Variants in FAM185A observed in about 807,000 individuals in gnomAD.
FAM185A encodes family with sequence similarity 185 member A.
In FAM185A, 21 loss-of-function variants were observed where a neutral mutation model predicts 45.7. That is an observed-to-expected ratio of 0.46 (90% CI 0.33 to 0.66). The LOEUF (loss-of-function observed/expected upper bound fraction) is 0.66. FAM185A is among the 30% of genes least tolerant of loss of function. The probability of loss-of-function intolerance (pLI) is 0.03; values close to 1 mark genes in which losing one functional copy is unlikely to be tolerated. For missense variants in FAM185A, 305 were observed against 485.4 expected, an observed-to-expected ratio of 0.63 and a Z score of 3.49; for synonymous variants, 117 against 194.0, an observed-to-expected ratio of 0.60 and a Z score of 3.30.
At chr7:102,841,394 A>G in the FAM185A span, among the ~76,000 whole-genome samples, 2 of 152,306 alleles carry the variant, frequency 1.3e-5, no homozygotes, top group Non-Finnish European at 2.9e-5. Flanking sequence ...TGGATGCTCA[A>G]TATGAAAAGA....
chr7:102,759,616 C>G (rs2537455), intron 3 of FAM185A, among the ~76,000 whole-genome samples: 120 of 145,548 alleles, frequency 8.2e-4, no homozygotes, highest in African/African-American at 1.4e-3. Context: ...AGAATATATT[C>G]AGAGCCAAAC....
chr7:102,847,085 T>C, the FAM185A span, among the ~76,000 whole-genome samples: 1 of 152,240 alleles, frequency 6.6e-6, no homozygotes, highest in Non-Finnish European at 1.5e-5. Context: ...GCAACTCTCA[T>C]TTATTTACAT....
At chr7:102,832,241 C>T in the FAM185A span, among the ~76,000 whole-genome samples, 3 of 152,090 alleles carry the variant, frequency 2.0e-5, no homozygotes, top group African/African-American at 7.2e-5. Flanking sequence ...GAAAATAACA[C>T]AAAAGATGAT....
the FAM185A span, chr7:102,832,942 A>T: frequency 1.2e-6 from 2 of 1,614,100 alleles, no homozygotes; most frequent in Non-Finnish European, 1.7e-6. Flanking sequence ...AGACATCCAA[A>T]TGTTCCAAGA....
intron 7 of FAM185A, among the ~76,000 whole-genome samples, chr7:102,803,933 T>C (rs1274512791): frequency 6.6e-6 from 1 of 151,522 alleles, no homozygotes; most frequent in Non-Finnish European, 1.5e-5. Flanking sequence ...CCTTTTACAA[T>C]AGCTGCAAAA....
intron 7 of FAM185A, among the ~76,000 whole-genome samples, chr7:102,806,096 C>T (rs1198269706): frequency 6.6e-6 from 1 of 152,126 alleles, no homozygotes; most frequent in Non-Finnish European, 1.5e-5. Flanking sequence ...TTATAGAAAA[C>T]AAAACATCTA....
chr7:102,766,110 A>G (rs563645437), intron 4 of FAM185A, among the ~76,000 whole-genome samples: 1 of 152,392 alleles, frequency 6.6e-6, no homozygotes, highest in East Asian at 1.9e-4. Context: ...ACTTCCTTGA[A>G]ATGGTTTGCT....
In FAM185A at chr7:102,765,346, G is replaced by A. The variant is rs548437087; in HGVS notation, c.793+3935G>A. ...ATGTAGATGTTCCATACAGTGTTTG[G>A]GCTTAGCTCCATGGTAGCATTCAGG... On this transcript the variant is annotated intron_variant, in intron 4 of 7. Coordinates refer to ENST00000413034, the MANE Select transcript of FAM185A (RefSeq NM_001145268.2). Among the ~76,000 whole-genome samples the A allele has an allele frequency of 3.9e-5, 6 of 152,158 alleles. No homozygotes were observed. The East Asian group carries it at 9.7e-4, about 24-fold the overall frequency.
At chr7:102,784,106 C>A (rs1584328583) in intron 6 of FAM185A, among the ~76,000 whole-genome samples, 1 of 152,254 alleles carries the variant, frequency 6.6e-6, no homozygotes, top group Admixed American at 6.5e-5. Flanking sequence ...AATTCCTGGA[C>A]ACATACACCC....
intron 4 of FAM185A, among the ~76,000 whole-genome samples, chr7:102,771,173 A>T (rs1009302919): frequency 2.0e-5 from 3 of 152,104 alleles, no homozygotes; most frequent in African/African-American, 7.2e-5. Flanking sequence ...AATTATGGAC[A>T]TAAAGATGGC....
chr7:102,833,497 A>T, the FAM185A span, among the ~76,000 whole-genome samples: 1 of 149,650 alleles, frequency 6.7e-6, no homozygotes, highest in Non-Finnish European at 1.5e-5. Context: ...CAATGGTGCA[A>T]TCTGAGCTCA....
chr7:102,783,081 A>G (rs1795512881), intron 6 of FAM185A, among the ~76,000 whole-genome samples: 1 of 152,088 alleles, frequency 6.6e-6, no homozygotes, highest in African/African-American at 2.4e-5. Flanking sequence ...AAAGGGATCA[A>G]TTCAACAAGA....
chr7:102,799,550 T>G (rs1163572359), intron 7 of FAM185A, among the ~76,000 whole-genome samples: 1 of 152,220 alleles, frequency 6.6e-6, no homozygotes, highest in Admixed American at 6.5e-5. Flanking sequence ...AGGAAGAGGA[T>G]CATTCTGTAT....
At chr7:102,772,268 T>C (rs1245422041) in intron 4 of FAM185A, 141 bp from the exon 5 acceptor site, 4 of 558,804 alleles carry the variant, frequency 7.2e-6, no homozygotes, top group Non-Finnish European at 3.2e-6. Flanking sequence ...AGCTCAATCT[T>C]TGACTGGACT....
In FAM185A at chr7:102,764,235, A is replaced by G. The variant is rs1794257386; in HGVS notation, c.793+2824A>G. On this transcript the variant is annotated intron_variant, in intron 4 of 7. Transcript: ENST00000413034. ...GGTTTTTCAGCATATACAAGAGAGA[A>G]CTAAGACAGGAAACCCCTCTTAATT... Among the ~76,000 whole-genome samples, 3 of 149,896 alleles carry G rather than the reference A, an allele frequency of 2.0e-5. No individual in the cohort carries two copies. In the South Asian group the frequency reaches 6.4e-4, roughly 32 times the overall value.
chr7:102,824,946 C>A, the FAM185A span, among the ~76,000 whole-genome samples: 3 of 151,894 alleles, frequency 2.0e-5, no homozygotes, highest in African/African-American at 7.2e-5. Flanking sequence ...TTTTGTTTTT[C>A]CTAGTGCATT....
At chr7:102,788,891 C>T (rs963504920) in intron 7 of FAM185A, among the ~76,000 whole-genome samples, 2 of 152,102 alleles carry the variant, frequency 1.3e-5, no homozygotes, top group Non-Finnish European at 2.9e-5. Flanking sequence ...AGAAAAGGTA[C>T]AGTAAAAATA....
chr7:102,752,976 C>A (rs1584268619), intron 2 of FAM185A, among the ~76,000 whole-genome samples: 1 of 151,350 alleles, frequency 6.6e-6, no homozygotes, highest in Non-Finnish European at 1.5e-5. Context: ...TTAATTTTTA[C>A]ATATTTTTTC....
chr7:102,819,673 T>C, the FAM185A span, among the ~76,000 whole-genome samples: 248 of 152,298 alleles, frequency 1.6e-3, 1 homozygote, highest in African/African-American at 5.5e-3. Context: ...TCAAAGACAT[T>C]GAGCTTCTTC....
Sources: gnomAD v4.1 joint callset for allele counts (sites outside exome capture counted in the v4.1 genomes callset) on GRCh38, gnomAD v4.1.1 for gene constraint, MANE v1.5 for transcripts, NCBI Gene and HGNC (gene_info 2026-07-23, HGNC 2026-07-21) for gene names.